BIRC2: variants seen among roughly 807,000 people sequenced by gnomAD.
The protein encoded by BIRC2 is baculoviral IAP repeat-containing protein 2.
A neutral mutation model predicts 60.9 loss-of-function variants in BIRC2; 18 were observed. That is an observed-to-expected ratio of 0.30 (90% confidence interval 0.20 to 0.44). The LOEUF (loss-of-function observed/expected upper bound fraction) is 0.44. BIRC2 is among the 20% of genes least tolerant of loss of function. BIRC2 has a pLI of 1.00. For missense variants in BIRC2, 701 were observed against 728.5 expected (o/e 0.96, Z 0.43); for synonymous variants, 282 against 247.7 (o/e 1.14, Z -1.30).
Position 102,358,358 on chromosome 11 carries a change from G to T in BIRC2, c.996-4538G>T, listed in dbSNP as rs1304981435. ...GAACATTTTTGGTTTTGCATTTTTG[G>T]ATTAGGGATGCTCAGCTGGTAAACA... is the stretch of plus-strand genomic sequence containing the variant. On this transcript the variant is annotated intron_variant, in intron 3 of 8. Transcript: ENST00000227758. Among the ~76,000 whole-genome samples the T allele has an allele frequency of 4.6e-5, 7 of 152,122 alleles. No homozygotes were observed. In the East Asian group the frequency reaches 9.6e-4, roughly 21 times the overall value.
chr11:102,374,611 C>A (rs1951682443), intron 6 of BIRC2, among the ~76,000 whole-genome samples: 1 of 151,488 alleles, frequency 6.6e-6, no homozygotes, highest in Admixed American at 6.6e-5. Flanking sequence ...GAGGTTACTG[C>A]TGTCTTTTTG....
At chr11:102,376,611 C>G (rs750181936) in intron 6 of BIRC2, among the ~76,000 whole-genome samples, 20 of 151,952 alleles carry the variant, frequency 1.3e-4, no homozygotes, top group Middle Eastern at 3.4e-3. Context: ...CTACCATATT[C>G]CATAAATATA....
chr11:102,349,398 T>C lies in BIRC2; in HGVS notation c.-457T>C, dbSNP rs1185306346. ...TATAGGGAAAGAAGCCTGCATATAA[T>C]TTTTTACCTTGTGGCATAATCAGTA... is the stretch of plus-strand genomic sequence containing the variant. On this transcript the variant is annotated 5_prime_UTR_variant, in exon 2 of 9. Transcript: ENST00000227758. 1 of 152,978 alleles carries C rather than the reference T, an allele frequency of 6.5e-6. No individual in the cohort carries two copies. Among genetic ancestry groups the C allele is most frequent in the Non-Finnish European group, 1.5e-5 (1 of 68,616 alleles). 9.5% of individuals were successfully genotyped at this position (152,978 alleles called of 1,614,324 possible).
intron 4 of BIRC2, 28 bp from the exon 5 acceptor site, chr11:102,363,640 A>C (rs1231224948): frequency 1.3e-6 from 2 of 1,588,320 alleles, no homozygotes; most frequent in Non-Finnish European, 8.6e-7. Context: ...ATCTGCTTTT[A>C]CCTATTAACT....
chr11:102,361,493 A>G lies in BIRC2; in HGVS notation c.996-1403A>G, dbSNP rs565456004. ...TGCTTTTTTTCAGGGTGAGGAGTGCAGTAGTGTCTCCCTCTCCAGGGGGTT... is the reference window on the plus strand; with the variant it reads ...TGCTTTTTTTCAGGGTGAGGAGTGCGGTAGTGTCTCCCTCTCCAGGGGGTT... On this transcript the variant is annotated intron_variant, in intron 3 of 8. Transcript: ENST00000227758. 1.2e-4 allele frequency among the ~76,000 whole-genome samples: 18 copies of G among 152,284 alleles called. 1 individual carries two copies. In the South Asian group the frequency reaches 1.2e-3, roughly 11 times the overall value.
Position 102,350,026 on chromosome 11 carries a change from G to T in BIRC2, c.172G>T (p.Ala58Ser), listed in dbSNP as rs190798003. ...YRMSTYSTFP[A>S]GVPVSERSLA... ...AATGTCTACATATTCAACTTTCCCC[G>T]CCGGGGTGCCTGTCTCAGAAAGGAG... Residue 58 changes from alanine to serine, a missense_variant, in exon 2 of 9, where the codon GCC becomes TCC. Around this residue, in one of 4 missense-constraint regions of BIRC2, gnomAD observed 375 missense variants for 365.9 expected, o/e 1.02. Coordinates refer to ENST00000227758, the MANE Select transcript of BIRC2 (RefSeq NM_001166.5). The T allele has an allele frequency of 6.2e-6, 10 of 1,614,128 alleles. No individual in the cohort carries two copies. In the Admixed American group the frequency reaches 6.7e-5, roughly 11 times the overall value.
chr11:102,366,122 T>C (rs1951550431), intron 5 of BIRC2, among the ~76,000 whole-genome samples: 1 of 152,134 alleles, frequency 6.6e-6, no homozygotes, highest in Admixed American at 6.5e-5. Flanking sequence ...GTAACAGACA[T>C]TGTAGAGTTA....
chr11:102,368,169 A>C, intron 5 of BIRC2, 137 bp from the exon 6 acceptor site: 8 of 965,258 alleles, frequency 8.3e-6, no homozygotes, highest in Non-Finnish European at 1.2e-5. Context: ...TATTGGAGTT[A>C]TAGGTAATCG....
intron 5 of BIRC2, among the ~76,000 whole-genome samples, chr11:102,366,620 T>G (rs1951555835): frequency 6.6e-6 from 1 of 151,954 alleles, no homozygotes; most frequent in Non-Finnish European, 1.5e-5. Flanking sequence ...TCCGCCCGCC[T>G]TGGCTCCCAA....
intron 6 of BIRC2, 135 bp downstream of exon 6, chr11:102,368,683 C>A (rs1300104228): frequency 8.0e-7 from 1 of 1,242,864 alleles, no homozygotes; most frequent in East Asian, 2.4e-5. Flanking sequence ...CGAAACCATC[C>A]CTCCTTTTCT....
chr11:102,354,407 C>G (rs1015616256), intron 3 of BIRC2, among the ~76,000 whole-genome samples: 3 of 152,112 alleles, frequency 2.0e-5, no homozygotes, highest in African/African-American at 7.2e-5. Context: ...CGGGGTTTCA[C>G]CATGTTGGCC....
intron 3 of BIRC2, among the ~76,000 whole-genome samples, chr11:102,357,282 TCTTC>T (rs989613642): frequency 6.7e-6 from 1 of 150,142 alleles, no homozygotes; most frequent in African/African-American, 2.4e-5. Context: ...CCCTCCCTCT[TCTTC>T]CTTCTTCCTC....
chr11:102,372,021 T>C (rs1417888984), intron 6 of BIRC2, among the ~76,000 whole-genome samples: 23 of 152,346 alleles, frequency 1.5e-4, no homozygotes, highest in African/African-American at 5.0e-4. Context: ...ATATCCCCTT[T>C]ATCATTTTTT....
At chr11:102,367,609 C>T (rs553166302) in intron 5 of BIRC2, among the ~76,000 whole-genome samples, 1 of 152,264 alleles carries the variant, frequency 6.6e-6, no homozygotes, top group South Asian at 2.1e-4. Flanking sequence ...AGCATTGACT[C>T]TTAGCAGAAA....
chr11:102,364,167 A>ATATATATATG (rs1951521691), intron 5 of BIRC2, among the ~76,000 whole-genome samples: 3 of 94,178 alleles, frequency 3.2e-5, no homozygotes, highest in African/African-American at 1.6e-4. Context: ...ATATATATAT[A>ATATATATATG]TATATATACA....
chr11:102,367,926 T>C (rs1023621316), intron 5 of BIRC2, among the ~76,000 whole-genome samples: 4 of 152,208 alleles, frequency 2.6e-5, no homozygotes, highest in Non-Finnish European at 4.4e-5. Context: ...CCCCCCACTT[T>C]CCTGGCTGGA....
Position 102,372,093 on chromosome 11 carries a change from T to A in BIRC2, c.1366+3545T>A, listed in dbSNP as rs1360988908. Among the ~76,000 whole-genome samples the A allele has an allele frequency of 5.3e-5, 8 of 152,342 alleles. No individual in the cohort carries two copies. In the South Asian group the frequency reaches 1.7e-3, roughly 32 times the overall value. On this transcript the variant is annotated intron_variant, in intron 6 of 8. Coordinates refer to ENST00000227758, the MANE Select transcript of BIRC2 (RefSeq NM_001166.5). ...ATTAGTCTTGCTAGCGGTCTATCTA[T>A]TTTGTTGATCTTTTCAAAAAACCAG...
At position 102,374,191 on chromosome 11, in the gene BIRC2, CT is replaced by C. The variant is rs563757764; in HGVS notation, c.1367-3302del. ...CTCATCAAAGTCATTCTCCATCCAG[CT>C]TTGTTCCGTTGCTGGTGAGGAACTG... On this transcript the variant is annotated intron_variant, in intron 6 of 8. Transcript: ENST00000227758. Among the ~76,000 whole-genome samples the C allele has an allele frequency of 1.3e-3, 204 of 151,516 alleles. 1 individual carries two copies. Among genetic ancestry groups the C allele is most frequent in the African/African-American group, 4.7e-3 (192 of 41,218 alleles).
intron 3 of BIRC2, among the ~76,000 whole-genome samples, chr11:102,354,529 C>G (rs963915754): frequency 6.6e-6 from 1 of 152,190 alleles, no homozygotes; most frequent in African/African-American, 2.4e-5. Flanking sequence ...TTAGTAGACA[C>G]TTAAGTTGTT....
Sources: gnomAD v4.1 joint callset for allele counts (sites outside exome capture counted in the v4.1 genomes callset) on GRCh38, gnomAD v4.1.1 for gene constraint, gnomAD v4.1.1 regional missense constraint, MANE v1.5 for transcripts, NCBI Gene and HGNC (gene_info 2026-07-23, HGNC 2026-07-21) for gene names.